The following SLC35D4 variants were observed in gnomAD, a reference collection of about 807,000 sequenced individuals.
SLC35D4 encodes the protein solute carrier family 35 member D4, also known as UDP-N-acetylglucosamine transporter SLC35D4.
chr18:23,264,353 CTTTTTTTTTTTTTT>C, the SLC35D4 span, among the ~76,000 whole-genome samples: 3 of 56,098 alleles, frequency 5.3e-5, no homozygotes, highest in South Asian at 1.1e-3. Flanking sequence ...CACTTTATTC[CTTTTTTTTTTTTTT>C]TTTTTTTTTT....
the SLC35D4 span, chr18:23,356,657 A>C: frequency 6.2e-7 from 1 of 1,614,144 alleles, no homozygotes; most frequent in South Asian, 1.1e-5. The surrounding 1 kb of genome is among the most constrained non-coding windows in gnomAD (Gnocchi z 4.1). Flanking sequence ...GACGCTGAAG[A>C]GATCACCTGA....
At chr18:23,325,332 G>A in the SLC35D4 span, among the ~76,000 whole-genome samples, 1 of 151,980 alleles carries the variant, frequency 6.6e-6, no homozygotes, top group South Asian at 2.1e-4. Flanking sequence ...GATCAATTCA[G>A]ACACAAAATA....
At chr18:23,358,415 G>A in the SLC35D4 span, among the ~76,000 whole-genome samples, 3 of 151,790 alleles carry the variant, frequency 2.0e-5, no homozygotes, top group East Asian at 1.9e-4. Context: ...GCAGAAGTGT[G>A]GTCAGAGGAA....
the SLC35D4 span, among the ~76,000 whole-genome samples, chr18:23,299,217 C>T: frequency 6.6e-6 from 1 of 152,212 alleles, no homozygotes; most frequent in East Asian, 1.9e-4. Flanking sequence ...AGGAGATGAT[C>T]GCATCTAACA....
chr18:23,266,462 T>C, the SLC35D4 span, among the ~76,000 whole-genome samples: 1 of 149,018 alleles, frequency 6.7e-6, no homozygotes, highest in Non-Finnish European at 1.5e-5. Flanking sequence ...GGAGCACAGA[T>C]AGGTGCCTAG....
the SLC35D4 span, among the ~76,000 whole-genome samples, chr18:23,300,652 G>T: frequency 3.3e-5 from 5 of 152,326 alleles, no homozygotes; most frequent in East Asian, 9.6e-4. Context: ...TTTCTAAACA[G>T]CAGGAAAGGC....
the SLC35D4 span, among the ~76,000 whole-genome samples, chr18:23,350,892 A>G: frequency 6.6e-6 from 1 of 152,100 alleles, no homozygotes. Flanking sequence ...TTCCTACCCA[A>G]AGGTTAATAG....
At chr18:23,390,820 C>T in the SLC35D4 span, among the ~76,000 whole-genome samples, 1 of 152,180 alleles carries the variant, frequency 6.6e-6, no homozygotes, top group Non-Finnish European at 1.5e-5. Context: ...TTTAAATATG[C>T]AGATGTGTCC....
At chr18:23,265,123 G>A in the SLC35D4 span, among the ~76,000 whole-genome samples, 4 of 152,102 alleles carry the variant, frequency 2.6e-5, no homozygotes, top group African/African-American at 7.2e-5. Context: ...AGCCACATCC[G>A]CATCTCACTC....
chr18:23,273,302 G>A, the SLC35D4 span, among the ~76,000 whole-genome samples: 2 of 152,140 alleles, frequency 1.3e-5, no homozygotes, highest in African/African-American at 2.4e-5. Context: ...AGTACTCCTC[G>A]ACTGCAAAAA....
the SLC35D4 span, among the ~76,000 whole-genome samples, chr18:23,299,151 T>G: frequency 6.6e-6 from 1 of 152,198 alleles, no homozygotes; most frequent in Non-Finnish European, 1.5e-5. Context: ...CGCAGGCATT[T>G]GTTAGTCAGG....
the SLC35D4 span, among the ~76,000 whole-genome samples, chr18:23,320,307 T>G: frequency 1.3e-5 from 2 of 152,226 alleles, no homozygotes; most frequent in African/African-American, 4.8e-5. Context: ...TCAGATAAAT[T>G]ATTAATTTCA....
At chr18:23,395,685 G>A in the SLC35D4 span, among the ~76,000 whole-genome samples, 1 of 152,214 alleles carries the variant, frequency 6.6e-6, no homozygotes, top group Non-Finnish European at 1.5e-5. Flanking sequence ...AGCACAGGCT[G>A]AGGCAGTCCT....
the SLC35D4 span, among the ~76,000 whole-genome samples, chr18:23,284,471 T>C: frequency 6.6e-6 from 1 of 152,212 alleles, no homozygotes; most frequent in Non-Finnish European, 1.5e-5. Context: ...TCTTTGAATC[T>C]ACCTATGACC....
the SLC35D4 span, among the ~76,000 whole-genome samples, chr18:23,313,074 C>T: frequency 7.4e-6 from 1 of 134,412 alleles, no homozygotes; most frequent in East Asian, 2.2e-4. Flanking sequence ...ATGCAGTGAG[C>T]CGAGATCACG....
At chr18:23,376,786 C>A in the SLC35D4 span, 1 of 456,184 alleles carries the variant, frequency 2.2e-6, no homozygotes, top group Non-Finnish European at 4.4e-6. Context: ...AAGGGTGAGA[C>A]ACCTGCCTGC....
At chr18:23,381,056 C>G in the SLC35D4 span, among the ~76,000 whole-genome samples, 2 of 152,136 alleles carry the variant, frequency 1.3e-5, no homozygotes, top group African/African-American at 4.8e-5. Context: ...CATCAAGGCT[C>G]CTAGCTGTAT....
At chr18:23,413,084 G>A in the SLC35D4 span, among the ~76,000 whole-genome samples, 1 of 152,176 alleles carries the variant, frequency 6.6e-6, no homozygotes, top group South Asian at 2.1e-4. Flanking sequence ...GCCCAGGTTG[G>A]TCTCAAACTT....
the SLC35D4 span, chr18:23,399,559 T>C: frequency 6.2e-7 from 1 of 1,613,674 alleles, no homozygotes; most frequent in Non-Finnish European, 8.5e-7. Flanking sequence ...GAACCTCTAA[T>C]ACTTACCAGT....
Sources: gnomAD v4.1 joint callset for allele counts (sites outside exome capture counted in the v4.1 genomes callset) on GRCh38, gnomAD v4.1.1 for gene constraint, Gnocchi (gnomAD v3.1) non-coding constraint, MANE v1.5 for transcripts, NCBI Gene and HGNC (gene_info 2026-07-23, HGNC 2026-07-21) for gene names.